The following VPS26A variants were observed in gnomAD, a reference collection of about 807,000 sequenced individuals.
VPS26A encodes the protein VPS26 retromer complex component A.
A neutral mutation model predicts 42.4 loss-of-function variants in VPS26A; 22 were observed. The observed-to-expected ratio is 0.52, with a 90% CI of 0.37 to 0.74. The LOEUF (loss-of-function observed/expected upper bound fraction) is 0.74, where lower values mean the gene tolerates loss of function less well. VPS26A is among the 30% of genes least tolerant of loss of function. The pLI, the probability that VPS26A is intolerant of heterozygous loss-of-function variation, is 0.00. For synonymous variants in VPS26A, 110 were observed against 123.5 expected, an observed-to-expected ratio of 0.89 and a Z score of 0.73; for missense variants, 276 against 379.2, an observed-to-expected ratio of 0.73 and a Z score of 2.26.
intron 2 of VPS26A, among the ~76,000 whole-genome samples, chr10:69,155,219 G>A (rs764322546): frequency 1.4e-4 from 22 of 152,254 alleles, no homozygotes; most frequent in Admixed American, 1.2e-3. Context: ...ATGGTGGGTA[G>A]CAGACTTAGG....
chr10:69,130,344 T>C (rs138159849), intron 1 of VPS26A, among the ~76,000 whole-genome samples: 2,744 of 152,304 alleles, frequency 0.018, 47 homozygotes, highest in Admixed American at 0.032. Flanking sequence ...GAAGGTCTCA[T>C]GGAGAGGGAG....
chr10:69,163,769 T>C (rs1554855550), intron 6 of VPS26A, among the ~76,000 whole-genome samples: 3 of 149,106 alleles, frequency 2.0e-5, no homozygotes, highest in East Asian at 3.9e-4. Flanking sequence ...CAGTTTTCTT[T>C]TTTTTTTTTT....
chr10:69,158,695 C>T (rs1841487429), intron 5 of VPS26A, among the ~76,000 whole-genome samples: 1 of 151,888 alleles, frequency 6.6e-6, no homozygotes, highest in South Asian at 2.1e-4. Flanking sequence ...TGGGAAATTT[C>T]AAGCATATAC....
intron 2 of VPS26A, among the ~76,000 whole-genome samples, chr10:69,133,347 T>G (rs917871689): frequency 2.6e-5 from 4 of 152,174 alleles, no homozygotes; most frequent in Non-Finnish European, 4.4e-5. Flanking sequence ...GATTATGTGC[T>G]TCTGTCTGGT....
Position 69,168,534 on chromosome 10 carries a change from C to T in VPS26A, c.773C>T (p.Thr258Ile), listed in dbSNP as rs1841743616. Residue 258 changes from threonine (T) to isoleucine (I), a missense_variant, in exon 8 of 9, where the codon ACT (threonine) becomes ATT (isoleucine). Transcript: ENST00000263559. ...IRLFLAGYDP[T>I]PTMRDVNKKF... Reference sequence around the variant, plus strand: ...CTATTTTTAGCAGGATATGACCCAACTCCAACAATGAGAGATGTGAACAAA... The same window carrying T: ...CTATTTTTAGCAGGATATGACCCAATTCCAACAATGAGAGATGTGAACAAA... 6.2e-7 allele frequency: 1 copy of T among 1,614,062 alleles called. No homozygotes were observed. The highest frequency in any genetic ancestry group is 1.3e-5 in the African/African-American group (1 of 75,024).
intron 1 of VPS26A, among the ~76,000 whole-genome samples, chr10:69,124,558 C>T (rs2132175023): frequency 6.6e-6 from 1 of 152,300 alleles, no homozygotes; most frequent in East Asian, 1.9e-4. Flanking sequence ...GGGGCTCTGG[C>T]TGGGGACTCG....
Position 69,162,393 on chromosome 10 carries a change from T to A in VPS26A, c.552-13T>A, listed in dbSNP as rs1421522568. On this transcript the variant is annotated splice_polypyrimidine_tract_variant and intron_variant, in intron 5 of 8. Coordinates refer to ENST00000263559, the MANE Select transcript of VPS26A (RefSeq NM_004896.5). ...TAAACTGATATTTAGTGAGATATGT[T>A]CTTCCCCAATAGGTATCATTTAAAG... is the stretch of plus-strand genomic sequence containing the variant. 1 of 1,320,118 alleles carries A rather than the reference T, an allele frequency of 7.6e-7. No homozygotes were observed. The highest frequency in any genetic ancestry group is 1.1e-6 in the Non-Finnish European group (1 of 933,972). 81.8% of individuals were successfully genotyped at this position (1,320,118 alleles called of 1,614,324 possible). A position where few individuals can be genotyped will look rare whatever the true frequency, so the allele number is the denominator to read the frequency against.
chr10:69,158,475 G>A (rs935009503), intron 5 of VPS26A, among the ~76,000 whole-genome samples: 4 of 152,036 alleles, frequency 2.6e-5, no homozygotes, highest in African/African-American at 9.7e-5. Flanking sequence ...CAGTCCTTCT[G>A]AGGATACAAT....
Position 69,157,024 on chromosome 10 carries a change from AGT to A in VPS26A, c.248_249del (p.Ser83LysfsTer4). The A allele has an allele frequency of 6.2e-7, 1 of 1,611,042 alleles. No homozygotes were observed. Among genetic ancestry groups the A allele is most frequent in the Non-Finnish European group, 8.5e-7 (1 of 1,178,886 alleles). On this transcript the variant is annotated frameshift_variant, in exon 4 of 9. Coordinates refer to ENST00000263559, the MANE Select transcript of VPS26A (RefSeq NM_004896.5). LOFTEE classifies it high-confidence loss of function. ...TTTCTCAGAACTTTTCAATGACAAG[AGT>A]AATACTCATGAATTTGTAAACCTAG... Reference protein sequence around the residue: ...VGQIELFNDKSNTHEFVNLVK... With the variant: ...VGQIELFNDKXNTHEFVNLVK...
chr10:69,143,557 T>G (rs759501223), intron 2 of VPS26A, among the ~76,000 whole-genome samples: 1 of 152,188 alleles, frequency 6.6e-6, no homozygotes, highest in Non-Finnish European at 1.5e-5. Context: ...AAAATAAATC[T>G]AATCCTTTTC....
chr10:69,164,863 T>C (rs13376856), intron 6 of VPS26A, among the ~76,000 whole-genome samples: 1 of 151,758 alleles, frequency 6.6e-6, no homozygotes, highest in African/African-American at 2.4e-5. Context: ...TCTTTTATTG[T>C]TTCATCCCTG....
chr10:69,132,849 T>C, intron 1 of VPS26A, 49 bp from the exon 2 acceptor site: 5 of 1,516,492 alleles, frequency 3.3e-6, no homozygotes, highest in Non-Finnish European at 4.4e-6. Flanking sequence ...TTATAAAATG[T>C]AGTGACTGAC....
rs1841420952 is a variant in VPS26A, at chr10:69,155,850, A to G, written c.192A>G (p.Glu64=). 2.5e-6 allele frequency: 4 copies of G among 1,612,578 alleles called. No individual in the cohort carries two copies. The highest frequency in any genetic ancestry group is 3.4e-6 in the Non-Finnish European group (4 of 1,179,198). Reference sequence around the variant, plus strand: ...TTAAGCAACCTGGAAAGAGGCTAGAACACCAAGGAATTAGAATTGAATTTG... The same window carrying G: ...TTAAGCAACCTGGAAAGAGGCTAGAGCACCAAGGAATTAGAATTGAATTTG... ...LAFKQPGKRL[E]HQGIRIEFVG... Residue 64 remains glutamate, a synonymous_variant, in exon 3 of 9, where the codon GAA becomes GAG. Transcript: ENST00000263559.
At chr10:69,149,748 T>G (rs201417125) in intron 2 of VPS26A, among the ~76,000 whole-genome samples, 8,136 of 84,788 alleles carry the variant, frequency 0.096, 412 homozygotes, top group South Asian at 0.23. Context: ...TTTTTTTTTT[T>G]TTTTTTTTTT....
At chr10:69,165,982 T>A (rs1841679008) in intron 6 of VPS26A, 60 bp from the exon 7 acceptor site, 3 of 1,488,510 alleles carry the variant, frequency 2.0e-6, no homozygotes, top group Non-Finnish European at 1.9e-6. Flanking sequence ...TAAGAAGGCA[T>A]AAGGCTAGTA....
chr10:69,128,231 T>G (rs1349316153), intron 1 of VPS26A, among the ~76,000 whole-genome samples: 1 of 30,080 alleles, frequency 3.3e-5, no homozygotes. Context: ...TGGGATTTGA[T>G]TTTTTTTTTT....
chr10:69,133,384 T>C (rs534015569), intron 2 of VPS26A: 9 of 340,830 alleles, frequency 2.6e-5, no homozygotes, highest in Non-Finnish European at 4.7e-5. Flanking sequence ...AGATCGGAGC[T>C]GTAATTCACC....
chr10:69,124,908 C>G (rs760905928), intron 1 of VPS26A, among the ~76,000 whole-genome samples: 2 of 152,226 alleles, frequency 1.3e-5, no homozygotes, highest in African/African-American at 2.4e-5. Context: ...CATTGGCTCT[C>G]ATTTCCGTCC....
In VPS26A at chr10:69,171,194, G is replaced by C; in HGVS notation, c.909G>C (p.Arg303Ser). Reference protein sequence around the residue: ...ILWRKAPEKLRKQRTNFHQRF... With the variant: ...ILWRKAPEKLSKQRTNFHQRF... ...GGAGAAAAGCTCCTGAAAAACTGAG[G>C]AAACAGAGAACAAACTTTCACCAGC... The change falls in exon 9 of 9, where the codon AGG becomes AGC. Residue 303 changes from arginine (R) to serine (S), a missense_variant. Arg to Ser is a moderately radical substitution (Grantham distance 110, BLOSUM62 -1). Coordinates refer to ENST00000263559, the MANE Select transcript of VPS26A (RefSeq NM_004896.5). 5 of 1,613,260 alleles carry C rather than the reference G, an allele frequency of 3.1e-6. No individual in the cohort carries two copies. Among genetic ancestry groups the C allele is most frequent in the Non-Finnish European group, 4.2e-6 (5 of 1,179,828 alleles).
Sources: allele counts gnomAD v4.1 joint callset (sites outside exome capture counted in the v4.1 genomes callset), GRCh38; gene constraint gnomAD v4.1.1; transcripts MANE v1.5; gene names NCBI Gene and HGNC (gene_info 2026-07-23, HGNC 2026-07-21).